Variants in CACNA1E observed in about 807,000 individuals in gnomAD.
The protein encoded by CACNA1E is voltage-dependent R-type calcium channel subunit alpha-1E.
Under a neutral mutation model 259.2 loss-of-function variants are expected in CACNA1E, and 40 were observed. The observed-to-expected ratio is 0.15, with a 90% CI of 0.12 to 0.20. The LOEUF (loss-of-function observed/expected upper bound fraction) is 0.20, where lower values mean the gene tolerates loss of function less well. Among genes scored for constraint, CACNA1E ranks in the 10% least tolerant of loss-of-function variants. The probability of loss-of-function intolerance (pLI) is 1.00; values close to 1 mark genes in which losing one functional copy is unlikely to be tolerated. For synonymous variants in CACNA1E, 1,104 were observed against 1,138.5 expected (o/e 0.97, Z 0.61); for missense variants, 1,874 against 3,040.1 (o/e 0.62, Z 9.02).
At chr1:181,428,072 A>G (rs1032137033) in intron 2 of CACNA1E, among the ~76,000 whole-genome samples, 1 of 152,166 alleles carries the variant, frequency 6.6e-6, no homozygotes, top group South Asian at 2.1e-4. Flanking sequence ...ACATGCCTTT[A>G]GGATGTGCAC....
chr1:181,597,519 C>T (rs924946851), intron 6 of CACNA1E, among the ~76,000 whole-genome samples: 6 of 152,176 alleles, frequency 3.9e-5, no homozygotes, highest in African/African-American at 9.7e-5. Flanking sequence ...CGTGGATAAA[C>T]GTACCATCAG....
rs4652678 is a variant in CACNA1E, at chr1:181,755,974, T to C, written c.4008T>C (p.His1336=). ...EKECIGNYVD[H]EKNKMEVKGR... is the part of the protein sequence containing the mutation. ...GTTTTAGAGGCAACTATGTAGATCA[T>C]GAGAAAAACAAGATGGAGGTGAAGG... Residue 1336 remains histidine (H), a synonymous_variant, in exon 29 of 48, where the codon CAT becomes CAC. Coordinates refer to ENST00000367573, the MANE Select transcript of CACNA1E (RefSeq NM_001205293.3). 0.28 allele frequency: 450,362 copies of C among 1,612,618 alleles called. 65,798 individuals are homozygous for C. Among genetic ancestry groups the C allele is most frequent in the African/African-American group, 0.45 (33,553 of 74,892 alleles).
chr1:181,324,986 A>G (rs1000365031), intron 1 of CACNA1E, among the ~76,000 whole-genome samples: 1 of 152,190 alleles, frequency 6.6e-6, no homozygotes, highest in African/African-American at 2.4e-5. Context: ...TGCAGACTTC[A>G]TAGCCTTTGC....
intron 2 of CACNA1E, among the ~76,000 whole-genome samples, chr1:181,415,617 A>G (rs1216025074): frequency 6.6e-6 from 1 of 152,188 alleles, no homozygotes. Context: ...TAAAATGAAG[A>G]TAGAGAAGGA....
chr1:181,343,823 G>A (rs185186168), intron 1 of CACNA1E, among the ~76,000 whole-genome samples: 98 of 152,030 alleles, frequency 6.4e-4, no homozygotes, highest in East Asian at 2.3e-3. Context: ...TCTCAGAATC[G>A]TCCCTATCAC....
At chr1:181,587,180 T>C (rs541426055) in intron 6 of CACNA1E, among the ~76,000 whole-genome samples, 14 of 152,226 alleles carry the variant, frequency 9.2e-5, no homozygotes, top group Middle Eastern at 3.4e-3. Flanking sequence ...ATTTTCTCAA[T>C]GAAAGAGGAA....
intron 2 of CACNA1E, among the ~76,000 whole-genome samples, chr1:181,464,295 T>A (rs1205253164): frequency 6.6e-6 from 1 of 152,032 alleles, no homozygotes; most frequent in Non-Finnish European, 1.5e-5. Context: ...AATGGATAGA[T>A]TAACCTAAGG....
intron 10 of CACNA1E, among the ~76,000 whole-genome samples, chr1:181,716,746 T>C (rs1157743996): frequency 1.3e-5 from 2 of 152,218 alleles, no homozygotes; most frequent in Admixed American, 6.5e-5. Flanking sequence ...GGTAGAAATA[T>C]CACCAGTGTA....
At chr1:181,588,276 T>A (rs534445940) in intron 6 of CACNA1E, among the ~76,000 whole-genome samples, 32 of 152,272 alleles carry the variant, frequency 2.1e-4, no homozygotes, top group African/African-American at 7.2e-4. Context: ...CCTCAGAGTG[T>A]CTGTCTCTTT....
At chr1:181,411,047 G>A (rs756690671) in intron 1 of CACNA1E, among the ~76,000 whole-genome samples, 1 of 152,124 alleles carries the variant, frequency 6.6e-6, no homozygotes, top group Non-Finnish European at 1.5e-5. Flanking sequence ...TGTAGAGCAC[G>A]GGACACTTCT....
chr1:181,753,833 A>G (rs1657811567), intron 27 of CACNA1E, among the ~76,000 whole-genome samples: 1 of 152,220 alleles, frequency 6.6e-6, no homozygotes, highest in African/African-American at 2.4e-5. Context: ...GAAACAGAAG[A>G]AAAGTCACTT....
At chr1:181,436,708 G>T (rs1038836059) in intron 2 of CACNA1E, among the ~76,000 whole-genome samples, 1 of 152,000 alleles carries the variant, frequency 6.6e-6, no homozygotes, top group Non-Finnish European at 1.5e-5. Flanking sequence ...TGGGGACGAG[G>T]GGGGTGGATG....
intron 7 of CACNA1E, among the ~76,000 whole-genome samples, chr1:181,702,416 C>T (rs1331196794): frequency 6.6e-6 from 1 of 152,102 alleles, no homozygotes; most frequent in Non-Finnish European, 1.5e-5. Flanking sequence ...CCCTTAATCC[C>T]CTTCAGTCTC....
intron 6 of CACNA1E, among the ~76,000 whole-genome samples, chr1:181,614,677 A>G (rs1044764447): frequency 4.6e-5 from 7 of 152,214 alleles, no homozygotes; most frequent in Non-Finnish European, 8.8e-5. Flanking sequence ...ATTTGTTTAC[A>G]TTTCTCTTAA....
intron 3 of CACNA1E, among the ~76,000 whole-genome samples, chr1:181,545,152 G>A (rs1647310089): frequency 6.6e-6 from 1 of 152,132 alleles, no homozygotes; most frequent in Non-Finnish European, 1.5e-5. Context: ...GCATGGGGCT[G>A]ATCTAACCAA....
At chr1:181,454,379 T>C (rs540023634) in intron 2 of CACNA1E, among the ~76,000 whole-genome samples, 1 of 152,334 alleles carries the variant, frequency 6.6e-6, no homozygotes, top group African/African-American at 2.4e-5. Flanking sequence ...AATCACAACC[T>C]TCTGAATTGA....
At chr1:181,544,769 T>C (rs75718697) in intron 3 of CACNA1E, among the ~76,000 whole-genome samples, 2,228 of 152,302 alleles carry the variant, frequency 0.015, 30 homozygotes, top group Non-Finnish European at 0.019. Flanking sequence ...GAGGGTTTGC[T>C]AATCAGAGAG....
At chr1:181,703,039 C>T (rs1652432975) in intron 7 of CACNA1E, among the ~76,000 whole-genome samples, 1 of 152,158 alleles carries the variant, frequency 6.6e-6, no homozygotes, top group Non-Finnish European at 1.5e-5. Flanking sequence ...CTCAAGCCAT[C>T]CTCCTTCCTC....
chr1:181,374,673 C>A (rs758753705), intron 1 of CACNA1E, among the ~76,000 whole-genome samples: 10 of 152,058 alleles, frequency 6.6e-5, no homozygotes, highest in African/African-American at 1.4e-4. Context: ...TGCTATGTTG[C>A]CCAGGCTGGT....
Sources: allele counts gnomAD v4.1 joint callset (sites outside exome capture counted in the v4.1 genomes callset), GRCh38; gene constraint gnomAD v4.1.1; transcripts MANE v1.5; gene names NCBI Gene and HGNC (gene_info 2026-07-23, HGNC 2026-07-21).